EPHA6: variants seen among roughly 807,000 people sequenced by gnomAD.
EPHA6 encodes the protein ephrin type-A receptor 6.
A neutral mutation model predicts 112.0 loss-of-function variants in EPHA6; 50 were observed. The ratio of observed to expected loss-of-function variants is 0.45; its 90% CI spans 0.36 to 0.56. The LOEUF is 0.56. Among genes scored for constraint, EPHA6 ranks in the 20% least tolerant of loss-of-function variants. The pLI, the probability that EPHA6 is intolerant of heterozygous loss-of-function variation, is 0.00. For missense variants in EPHA6, 1,280 were observed against 1,417.4 expected, an observed-to-expected ratio of 0.90 and a Z score of 1.56; for synonymous variants, 529 against 490.7, an observed-to-expected ratio of 1.08 and a Z score of -1.03.
chr3:97,022,886 T>C (rs186840998), intron 3 of EPHA6, among the ~76,000 whole-genome samples: 1 of 152,140 alleles, frequency 6.6e-6, no homozygotes, highest in South Asian at 2.1e-4. Context: ...CCTGAATGAG[T>C]ATTAGCAGGC....
At chr3:96,838,073 C>T (rs779196635) in intron 1 of EPHA6, among the ~76,000 whole-genome samples, 6 of 151,700 alleles carry the variant, frequency 4.0e-5, no homozygotes, top group South Asian at 2.1e-4. Context: ...TGTTGTTCTG[C>T]GCCCCCCTGC....
rs2077606040 is a variant in EPHA6, at chr3:97,202,596, A to AT, written c.1115-23666dup. On this transcript the variant is annotated intron_variant, in intron 3 of 17. Coordinates refer to ENST00000389672, the MANE Select transcript of EPHA6 (RefSeq NM_001080448.3). The stretch of plus-strand genomic sequence containing the variant: ...TGATCCACCCACCTCAGCCTCCCAA[A>AT]TTGCTGGGATTACAGGCGTAAGCCA... Among the ~76,000 whole-genome samples, 3 of 152,162 alleles carry AT rather than the reference A, an allele frequency of 2.0e-5. No individual in the cohort carries two copies. The South Asian group carries it at 6.2e-4, about 32-fold the overall frequency.
chr3:97,611,034 A>C (rs550970241), intron 13 of EPHA6, among the ~76,000 whole-genome samples, 180 bp downstream of exon 13: 1 of 151,504 alleles, frequency 6.6e-6, no homozygotes, highest in African/African-American at 2.4e-5. Flanking sequence ...CTAAGGGGGG[A>C]GGATGTACAC....
intron 1 of EPHA6, among the ~76,000 whole-genome samples, chr3:96,832,059 A>G (rs990637705): frequency 2.0e-5 from 3 of 152,048 alleles, no homozygotes; most frequent in African/African-American, 4.8e-5. Context: ...CAACCTTACC[A>G]TGACTCGACG....
At chr3:96,941,184 T>C (rs2040919681) in intron 2 of EPHA6, among the ~76,000 whole-genome samples, 1 of 152,230 alleles carries the variant, frequency 6.6e-6, no homozygotes, top group Non-Finnish European at 1.5e-5. Context: ...GATAATATCC[T>C]GCAGAGTGTT....
intron 14 of EPHA6, among the ~76,000 whole-genome samples, chr3:97,662,037 A>G (rs1470939730): frequency 6.6e-6 from 1 of 152,122 alleles, no homozygotes; most frequent in Non-Finnish European, 1.5e-5. Context: ...GCCACCAACT[A>G]TCTGATAGGG....
At chr3:97,216,027 T>C (rs79648123) in intron 3 of EPHA6, among the ~76,000 whole-genome samples, 19 of 152,144 alleles carry the variant, frequency 1.2e-4, no homozygotes, top group African/African-American at 3.6e-4. Context: ...AGAAACTACA[T>C]CAGGTGAGAA....
At chr3:97,635,373 A>G (rs1485290449) in intron 13 of EPHA6, among the ~76,000 whole-genome samples, 6 of 152,172 alleles carry the variant, frequency 3.9e-5, no homozygotes, top group African/African-American at 1.4e-4. Flanking sequence ...TTTTAAGGTT[A>G]ATTTTTAAAA....
intron 5 of EPHA6, among the ~76,000 whole-genome samples, chr3:97,340,382 A>G (rs778492289): frequency 5.3e-5 from 8 of 152,170 alleles, no homozygotes; most frequent in Non-Finnish European, 1.0e-4. Context: ...GGTTTGGTTT[A>G]TATAAGAGTT....
intron 3 of EPHA6, among the ~76,000 whole-genome samples, chr3:97,193,170 G>A (rs1171465146): frequency 6.6e-6 from 1 of 152,012 alleles, no homozygotes; most frequent in Non-Finnish European, 1.5e-5. Context: ...TTCTACTTCT[G>A]TGAAGAATGT....
chr3:97,676,502 T>C (rs1202670508), intron 14 of EPHA6, among the ~76,000 whole-genome samples: 1 of 152,184 alleles, frequency 6.6e-6, no homozygotes, highest in Non-Finnish European at 1.5e-5. Context: ...AACTAGGAAG[T>C]ATAAATAACT....
intron 1 of EPHA6, among the ~76,000 whole-genome samples, chr3:96,858,341 T>C (rs960149553): frequency 6.6e-6 from 1 of 151,988 alleles, no homozygotes; most frequent in Non-Finnish European, 1.5e-5. Context: ...CAGCAATTAG[T>C]AGAATAAGAA....
chr3:97,129,355 A>G (rs920276196), intron 3 of EPHA6, among the ~76,000 whole-genome samples: 151 of 152,196 alleles, frequency 9.9e-4, no homozygotes, highest in African/African-American at 3.5e-3. Context: ...CAAAAAAATT[A>G]GCCAGGCGTG....
intron 14 of EPHA6, among the ~76,000 whole-genome samples, chr3:97,644,479 A>C (rs1347074553): frequency 1.3e-5 from 2 of 151,920 alleles, no homozygotes; most frequent in African/African-American, 2.4e-5. Flanking sequence ...AAAACCCTTC[A>C]AAAAATTAAT....
chr3:97,354,259 A>G (rs1407470168), intron 5 of EPHA6, among the ~76,000 whole-genome samples: 1 of 152,120 alleles, frequency 6.6e-6, no homozygotes, highest in South Asian at 2.1e-4. Flanking sequence ...AAGCGTCAAG[A>G]CCATCCAGGA....
chr3:97,658,643 G>T (rs549719920), intron 14 of EPHA6, among the ~76,000 whole-genome samples: 6 of 151,930 alleles, frequency 3.9e-5, no homozygotes, highest in Admixed American at 1.3e-4. Context: ...AGAAGAAACC[G>T]TGGGAATTGC....
intron 9 of EPHA6, chr3:97,481,653 C>T (rs1367523033): frequency 7.1e-6 from 3 of 425,394 alleles, no homozygotes; most frequent in South Asian, 4.0e-5. Context: ...ACGCCCCGCC[C>T]CCTGCCTTCA....
chr3:96,951,141 A>C (rs1216091515), intron 2 of EPHA6, among the ~76,000 whole-genome samples: 1 of 152,062 alleles, frequency 6.6e-6, no homozygotes, highest in Non-Finnish European at 1.5e-5. Flanking sequence ...TGTCTAGTAG[A>C]AAGTAGGTTT....
At chr3:96,939,597 A>G (rs1197811352) in intron 2 of EPHA6, among the ~76,000 whole-genome samples, 1 of 151,998 alleles carries the variant, frequency 6.6e-6, no homozygotes, top group Non-Finnish European at 1.5e-5. Flanking sequence ...TTGTGTCTCT[A>G]TATCCTTCAG....
Sources: allele counts gnomAD v4.1 joint callset (sites outside exome capture counted in the v4.1 genomes callset), GRCh38; gene constraint gnomAD v4.1.1; transcripts MANE v1.5; gene names NCBI Gene and HGNC (gene_info 2026-07-23, HGNC 2026-07-21).